SERPINB11: variants seen among roughly 807,000 people sequenced by gnomAD.
The protein encoded by SERPINB11 is serpin family B member 11.
In SERPINB11, 32 loss-of-function variants were observed where a neutral mutation model predicts 36.7. The observed-to-expected ratio is 0.87, with a 90% CI of 0.66 to 1.17. The LOEUF is 1.17. SERPINB11 is among the 50% of genes most tolerant of loss of function. SERPINB11 has a pLI of 0.00. For synonymous variants in SERPINB11, 174 were observed against 168.1 expected (o/e 1.04, Z -0.27); for missense variants, 528 against 458.4 (o/e 1.15, Z -1.39).
intron 5 of SERPINB11, among the ~76,000 whole-genome samples, chr18:63,719,719 T>C (rs2144548793): frequency 6.6e-6 from 1 of 152,206 alleles, no homozygotes; most frequent in Non-Finnish European, 1.5e-5. Flanking sequence ...TAAGCAGTGA[T>C]GTATAAGAAA....
At chr18:63,705,724 G>T (rs1446688098) in intron 1 of SERPINB11, 1 of 152,212 alleles carries the variant, frequency 6.6e-6, no homozygotes, top group Non-Finnish European at 1.5e-5. Flanking sequence ...GGCTACAATA[G>T]TTATGATATG....
At position 63,706,521 on chromosome 18, in the gene SERPINB11, T is replaced by C. The variant is rs562534346; in HGVS notation, c.-16+3515T>C. Among the ~76,000 whole-genome samples the C allele has an allele frequency of 2.9e-4, 44 of 152,310 alleles. No homozygotes were observed. In the South Asian group the frequency reaches 8.5e-3, roughly 29 times the overall value. On this transcript the variant is annotated intron_variant, in intron 1 of 7. Transcript: ENST00000544088. ...CTTGGATTCTAAAAGAGGGCAAAGC[T>C]GTAATCTAGAAGATAGGAGGTAAAA...
At chr18:63,716,554 A>T (rs955661387) in intron 5 of SERPINB11, among the ~76,000 whole-genome samples, 1 of 152,128 alleles carries the variant, frequency 6.6e-6, no homozygotes, top group African/African-American at 2.4e-5. Context: ...CTCAATTGCA[A>T]CATTTCTCAC....
At position 63,723,300 on chromosome 18, in the gene SERPINB11, A is replaced by G. The variant is rs771837833; in HGVS notation, c.1080A>G (p.Pro360=). 6.8e-6 allele frequency: 11 copies of G among 1,613,952 alleles called. No homozygotes were observed. The South Asian group carries it at 1.2e-4, about 18-fold the overall frequency. Residue 360 remains proline, a synonymous_variant, in exon 8 of 8, where the codon CCA becomes CCG. Transcript: ENST00000544088. The part of the protein sequence containing the change: ...TGDSIAVKSL[P]MRAQFKANHP... ...ACAGCATCGCTGTAAAAAGCCTACC[A>G]ATGAGAGCTCAGTTCAAGGCGAACC...
intron 5 of SERPINB11, among the ~76,000 whole-genome samples, chr18:63,717,309 T>C (rs566970798): frequency 6.6e-6 from 1 of 152,098 alleles, no homozygotes; most frequent in Non-Finnish European, 1.5e-5. Flanking sequence ...TTAGTTTGGA[T>C]CTCTTATAAA....
chr18:63,722,889 G>T, intron 7 of SERPINB11, 106 bp from the exon 8 acceptor site: 1 of 1,156,700 alleles, frequency 8.6e-7, no homozygotes, highest in Non-Finnish European at 1.2e-6. Flanking sequence ...GGTAGAAAAA[G>T]TGATGAAGTT....
intron 5 of SERPINB11, among the ~76,000 whole-genome samples, chr18:63,718,538 T>C (rs961305174): frequency 6.6e-6 from 1 of 152,070 alleles, no homozygotes; most frequent in South Asian, 2.1e-4. Context: ...AGGTGTTTGG[T>C]GAATTTTAGC....
At chr18:63,702,513 C>G (rs1055808183), upstream of SERPINB11, 1 of 152,300 alleles carries the variant, frequency 6.6e-6, no homozygotes, top group African/African-American at 2.4e-5. Context: ...ACTGCTTAAA[C>G]CCAGGAGGCA....
chr18:63,713,389 C>A (rs1004109097), intron 4 of SERPINB11, among the ~76,000 whole-genome samples: 1 of 152,164 alleles, frequency 6.6e-6, no homozygotes, highest in Non-Finnish European at 1.5e-5. Flanking sequence ...ATTTAAATGG[C>A]AAAACCTGGA....
At chr18:63,708,332 G>A (rs1914425325) in intron 1 of SERPINB11, among the ~76,000 whole-genome samples, 2 of 152,110 alleles carry the variant, frequency 1.3e-5, no homozygotes, top group African/African-American at 2.4e-5. Context: ...TTATGGAGGA[G>A]GATAAAGACT....
At chr18:63,715,748 A>T (rs1914651104) in intron 4 of SERPINB11, among the ~76,000 whole-genome samples, 1 of 152,198 alleles carries the variant, frequency 6.6e-6, no homozygotes, top group Non-Finnish European at 1.5e-5. Flanking sequence ...GTGCTCATGT[A>T]TTGCAATTTG....
At chr18:63,709,747 G>C (rs1914468371) in intron 1 of SERPINB11, among the ~76,000 whole-genome samples, 1 of 152,198 alleles carries the variant, frequency 6.6e-6, no homozygotes, top group Non-Finnish European at 1.5e-5. Context: ...CTGTGACACT[G>C]CAAAAGCGGG....
chr18:63,714,012 G>A (rs748783766), intron 4 of SERPINB11, among the ~76,000 whole-genome samples: 3 of 152,140 alleles, frequency 2.0e-5, no homozygotes, highest in Non-Finnish European at 4.4e-5. Context: ...TTCATTCTGA[G>A]GCCCAGATTT....
intron 5 of SERPINB11, among the ~76,000 whole-genome samples, chr18:63,719,110 C>A (rs943403126): frequency 2.0e-5 from 3 of 151,996 alleles, no homozygotes; most frequent in Non-Finnish European, 4.4e-5. Context: ...CAGTGCCCAG[C>A]ATTTAGAAAA....
At chr18:63,705,067 T>C (rs763042400) in intron 1 of SERPINB11, among the ~76,000 whole-genome samples, 9 of 152,152 alleles carry the variant, frequency 5.9e-5, no homozygotes, top group Non-Finnish European at 1.0e-4. Flanking sequence ...AAACTTGTAT[T>C]TTTTTGTTTT....
intron 3 of SERPINB11, 133 bp from the exon 4 acceptor site, chr18:63,712,432 C>A: frequency 2.3e-6 from 2 of 864,530 alleles, no homozygotes; most frequent in Non-Finnish European, 3.5e-6. Flanking sequence ...GAAGAAAATG[C>A]TTTAAACTAA....
rs1914872701 is a variant in SERPINB11, at chr18:63,723,310, C to G, written c.1090C>G (p.Gln364Glu). Residue 364 changes from glutamine to glutamate, a missense_variant, in exon 8 of 8, where the codon CAG (glutamine) becomes GAG (glutamate). Gln to Glu is a conservative substitution (Grantham distance 29). Transcript: ENST00000544088. ...TGTAAAAAGCCTACCAATGAGAGCT[C>G]AGTTCAAGGCGAACCACCCCTTCCT... is the stretch of plus-strand genomic sequence containing the variant. ...IAVKSLPMRA[Q>E]FKANHPFLFF... is the part of the protein sequence containing the mutation. 4 of 1,613,944 alleles carry G rather than the reference C, an allele frequency of 2.5e-6. No homozygotes were observed. The highest frequency in any genetic ancestry group is 3.4e-6 in the Non-Finnish European group (4 of 1,179,868).
chr18:63,715,699 T>C (rs1296483183), intron 4 of SERPINB11, among the ~76,000 whole-genome samples: 1 of 152,202 alleles, frequency 6.6e-6, no homozygotes, highest in African/African-American at 2.4e-5. Context: ...AACTTCCATG[T>C]CTACTTTGAA....
intron 1 of SERPINB11, among the ~76,000 whole-genome samples, chr18:63,708,065 T>G (rs1914417881): frequency 1.3e-5 from 2 of 152,176 alleles, no homozygotes; most frequent in Non-Finnish European, 2.9e-5. Context: ...GAATAGAAAG[T>G]GCAAATGCCC....
Sources: gnomAD v4.1 joint callset for allele counts (sites outside exome capture counted in the v4.1 genomes callset) on GRCh38, gnomAD v4.1.1 for gene constraint, MANE v1.5 for transcripts, NCBI Gene and HGNC (gene_info 2026-07-23, HGNC 2026-07-21) for gene names.